SEMA5A: variants seen among roughly 807,000 people sequenced by gnomAD.
The protein encoded by SEMA5A is semaphorin-5A.
Under a neutral mutation model 135.5 loss-of-function variants are expected in SEMA5A, and 55 were observed. The observed-to-expected ratio is 0.41, with a 90% CI of 0.33 to 0.51. SEMA5A has a LOEUF of 0.51. Among genes scored for constraint, SEMA5A ranks in the 20% least tolerant of loss-of-function variants. The pLI, the probability that SEMA5A is intolerant of heterozygous loss-of-function variation, is 0.37. For missense variants in SEMA5A, 1,290 were observed against 1,419.9 expected, an observed-to-expected ratio of 0.91 and a Z score of 1.47; for synonymous variants, 580 against 546.5, an observed-to-expected ratio of 1.06 and a Z score of -0.85.
intron 4 of SEMA5A, among the ~76,000 whole-genome samples, chr5:9,319,068 T>C (rs562648910): frequency 6.6e-6 from 1 of 151,948 alleles, no homozygotes; most frequent in East Asian, 1.9e-4. Context: ...TCCAGGCATA[T>C]TGGCTTATGC....
chr5:9,320,501 G>A (rs805138), intron 4 of SEMA5A, among the ~76,000 whole-genome samples: 5,680 of 152,236 alleles, frequency 0.037, 164 homozygotes, highest in Non-Finnish European at 0.056. Flanking sequence ...CTTGAGTCCT[G>A]GAGTTCTAGA....
chr5:9,503,956 C>A (rs1735725837), intron 1 of SEMA5A, among the ~76,000 whole-genome samples: 1 of 152,126 alleles, frequency 6.6e-6, no homozygotes, highest in Non-Finnish European at 1.5e-5. Context: ...GTGGCTCATG[C>A]CTGTAATCCC....
At chr5:9,404,442 T>C (rs1306610614) in intron 2 of SEMA5A, among the ~76,000 whole-genome samples, 2 of 152,186 alleles carry the variant, frequency 1.3e-5, no homozygotes, top group East Asian at 3.9e-4. Context: ...ACTATATATA[T>C]GTTAAAGAGA....
intron 16 of SEMA5A, among the ~76,000 whole-genome samples, chr5:9,096,939 C>T (rs1451834001): frequency 6.6e-6 from 1 of 152,072 alleles, no homozygotes; most frequent in African/African-American, 2.4e-5. Flanking sequence ...GATGAAAAAA[C>T]AGTAGACTTT....
At chr5:9,154,960 C>G (rs1316375127) in intron 11 of SEMA5A, among the ~76,000 whole-genome samples, 1 of 152,142 alleles carries the variant, frequency 6.6e-6, no homozygotes, top group Non-Finnish European at 1.5e-5. Flanking sequence ...TTGGACCCTT[C>G]CAGTTCCAAG....
At chr5:9,377,621 C>A (rs1755420331) in intron 3 of SEMA5A, among the ~76,000 whole-genome samples, 1 of 151,728 alleles carries the variant, frequency 6.6e-6, no homozygotes, top group Admixed American at 6.6e-5. Context: ...AGCTGTTATT[C>A]TAAAATGACT....
At chr5:9,086,498 C>T (rs546209840) in intron 16 of SEMA5A, among the ~76,000 whole-genome samples, 1 of 152,252 alleles carries the variant, frequency 6.6e-6, no homozygotes, top group Admixed American at 6.5e-5. Flanking sequence ...TTGTCTGCCG[C>T]CATTTGAGAT....
intron 18 of SEMA5A, among the ~76,000 whole-genome samples, chr5:9,057,063 T>C (rs980910162): frequency 1.3e-5 from 2 of 152,210 alleles, no homozygotes; most frequent in African/African-American, 4.8e-5. Context: ...TTAGATCAGG[T>C]ATCTAAAATA....
chr5:9,290,647 A>G (rs1245231280), intron 5 of SEMA5A, among the ~76,000 whole-genome samples: 1 of 152,182 alleles, frequency 6.6e-6, no homozygotes, highest in Non-Finnish European at 1.5e-5. Flanking sequence ...AAAAGGAGAA[A>G]TAGGTACATA....
chr5:9,471,637 A>T (rs981581642), intron 1 of SEMA5A, among the ~76,000 whole-genome samples: 2 of 152,222 alleles, frequency 1.3e-5, no homozygotes, highest in African/African-American at 4.8e-5. Flanking sequence ...TAGCAAAGAG[A>T]GTTTTTAAAT....
chr5:9,209,395 CTGA>C (rs1257179646), intron 8 of SEMA5A, among the ~76,000 whole-genome samples: 2 of 152,228 alleles, frequency 1.3e-5, no homozygotes, highest in South Asian at 2.1e-4. Context: ...TCATTTTTCT[CTGA>C]TGATATTTTA....
intron 9 of SEMA5A, among the ~76,000 whole-genome samples, chr5:9,199,462 T>C (rs1389399232): frequency 2.0e-5 from 3 of 152,172 alleles, no homozygotes; most frequent in Admixed American, 6.5e-5. Context: ...AGGAAGTACA[T>C]ATTCACTCGC....
chr5:9,347,803 G>A (rs1027927470), intron 3 of SEMA5A, among the ~76,000 whole-genome samples: 3 of 152,226 alleles, frequency 2.0e-5, no homozygotes, highest in East Asian at 1.9e-4. Flanking sequence ...AAGCTAGATC[G>A]TCGTCACAAG....
At position 9,052,019 on chromosome 5, in the gene SEMA5A, G is replaced by A. The variant is rs140317113; in HGVS notation, c.2699C>T (p.Ser900Leu). Reference protein sequence around the residue: ...CNTQPCPESWSEWSDWSECEA... With the variant: ...CNTQPCPESWLEWSDWSECEA... ...ACACTCAGACCAGTCCGACCACTCC[G>A]ACCAGCTCTCTGCAGAGACCAGAAA... Residue 900 changes from serine (S) to leucine (L), a missense_variant, in exon 20 of 23, where the codon TCG becomes TTG. Around this residue, in one of 3 missense-constraint regions of SEMA5A, gnomAD observed 1,029 missense variants for 1,086.6 expected, o/e 0.95. Transcript: ENST00000382496. The A allele has an allele frequency of 3.9e-5, 62 of 1,607,150 alleles. 1 individual carries two copies. Among genetic ancestry groups the A allele is most frequent in the African/African-American group, 2.5e-4 (19 of 74,738 alleles).
intron 16 of SEMA5A, among the ~76,000 whole-genome samples, chr5:9,107,175 T>C (rs1469120544): frequency 6.6e-6 from 1 of 152,136 alleles, no homozygotes; most frequent in Admixed American, 6.5e-5. Flanking sequence ...AGCTTCTCCA[T>C]CAAACCTTTG....
At chr5:9,543,836 GA>G (rs10535269) in intron 1 of SEMA5A, among the ~76,000 whole-genome samples, 20,085 of 144,532 alleles carry the variant, frequency 0.14, 1,402 homozygotes, top group African/African-American at 0.2. Flanking sequence ...TATTTTTCAT[GA>G]AAAAAAAAAA....
In SEMA5A at chr5:9,545,719, C is replaced by T. The variant is rs2126415205; in HGVS notation, c.-310G>A. ...CCCTGCCACTTCCCCAGAGCCGCCC[C>T]CTACTCGCTGAGTTCCAGAATGGGG... On this transcript the variant is annotated 5_prime_UTR_variant, in exon 1 of 23. Coordinates refer to ENST00000382496, the MANE Select transcript of SEMA5A (RefSeq NM_003966.3). The surrounding 1 kb of genome is among the most constrained non-coding windows in gnomAD (Gnocchi z 4.5). 1 of 152,540 alleles carries T rather than the reference C, an allele frequency of 6.6e-6. No individual in the cohort carries two copies. Among genetic ancestry groups the T allele is most frequent in the East Asian group, 1.9e-4 (1 of 5,140 alleles). The allele number at this position is 152,540 out of a possible 1,614,324, so 9.4% of individuals were successfully genotyped here. A position where few individuals can be genotyped will look rare whatever the true frequency, so the allele number is the denominator to read the frequency against.
chr5:9,052,031 G>A lies in SEMA5A; in HGVS notation c.2690-3C>T, dbSNP rs371379565. ...GTCCGACCACTCCGACCAGCTCTCT[G>A]CAGAGACCAGAAAAGGGGAGATGGG... is the stretch of plus-strand genomic sequence containing the variant. On this transcript the variant is annotated splice_region_variant and splice_polypyrimidine_tract_variant and intron_variant, in intron 19 of 22. Transcript: ENST00000382496. 8.2e-6 allele frequency: 13 copies of A among 1,589,398 alleles called. No homozygotes were observed. In the African/African-American group the frequency reaches 1.6e-4, roughly 20 times the overall value.
At chr5:9,287,705 T>C (rs893761871) in intron 5 of SEMA5A, among the ~76,000 whole-genome samples, 3 of 152,214 alleles carry the variant, frequency 2.0e-5, no homozygotes, top group South Asian at 2.1e-4. Flanking sequence ...ATTCATATAC[T>C]TATTGTCTAT....
Sources: gnomAD v4.1 joint callset for allele counts (sites outside exome capture counted in the v4.1 genomes callset) on GRCh38, gnomAD v4.1.1 for gene constraint, gnomAD v4.1.1 regional missense constraint, Gnocchi (gnomAD v3.1) non-coding constraint, MANE v1.5 for transcripts, NCBI Gene and HGNC (gene_info 2026-07-23, HGNC 2026-07-21) for gene names.